PIK3C2A: variants seen among roughly 807,000 people sequenced by gnomAD.
PIK3C2A encodes the protein phosphatidylinositol-4-phosphate 3-kinase catalytic subunit type 2 alpha.
A neutral mutation model predicts 204.5 loss-of-function variants in PIK3C2A; 97 were observed. That is an observed-to-expected ratio of 0.47 (90% confidence interval 0.40 to 0.56). The LOEUF (loss-of-function observed/expected upper bound fraction) is 0.56, where lower values mean the gene tolerates loss of function less well. Ranked by LOEUF, PIK3C2A falls within the 20% of genes least tolerant of loss-of-function variation. The pLI, the probability that PIK3C2A is intolerant of heterozygous loss-of-function variation, is 0.00. For synonymous variants in PIK3C2A, 653 were observed against 664.4 expected (o/e 0.98, Z 0.26); for missense variants, 1,735 against 1,969.2 (o/e 0.88, Z 2.25).
intron 11 of PIK3C2A, among the ~76,000 whole-genome samples, chr11:17,133,205 T>C (rs1252468508): frequency 6.6e-6 from 1 of 152,210 alleles, no homozygotes; most frequent in Non-Finnish European, 1.5e-5. Context: ...TGTCTTCTAC[T>C]GGGTATTTGT....
At chr11:17,151,584 T>C (rs1378560566) in intron 3 of PIK3C2A, among the ~76,000 whole-genome samples, 1 of 152,232 alleles carries the variant, frequency 6.6e-6, no homozygotes, top group Non-Finnish European at 1.5e-5. Context: ...GATTGAATCC[T>C]GATTATACTA....
intron 1 of PIK3C2A, among the ~76,000 whole-genome samples, chr11:17,177,612 G>C (rs973494074): frequency 6.6e-6 from 1 of 152,052 alleles, no homozygotes; most frequent in African/African-American, 2.4e-5. Flanking sequence ...CTGTTAAAAG[G>C]AAAAACCCCA....
At chr11:17,106,333 A>C in intron 22 of PIK3C2A, among the ~76,000 whole-genome samples, 1 of 151,914 alleles carries the variant, frequency 6.6e-6, no homozygotes, top group East Asian at 1.9e-4. Flanking sequence ...AATTACTTGA[A>C]CCCAGGAGGC....
intron 1 of PIK3C2A, among the ~76,000 whole-genome samples, chr11:17,197,785 A>G (rs745730659): frequency 2.6e-5 from 4 of 152,170 alleles, no homozygotes; most frequent in African/African-American, 9.7e-5. Flanking sequence ...CATCACCCCA[A>G]TTCCAACATG....
chr11:17,190,133 C>T (rs550846367), intron 1 of PIK3C2A, among the ~76,000 whole-genome samples: 1 of 152,058 alleles, frequency 6.6e-6, no homozygotes, highest in Non-Finnish European at 1.5e-5. Context: ...CATAGTGACG[C>T]GTGCCTGTAA....
At chr11:17,172,490 A>C (rs1316497269) in intron 1 of PIK3C2A, among the ~76,000 whole-genome samples, 1 of 152,236 alleles carries the variant, frequency 6.6e-6, no homozygotes, top group African/African-American at 2.4e-5. Flanking sequence ...CCAGCAGAAG[A>C]AATCACCAAG....
chr11:17,193,684 A>G, intron 1 of PIK3C2A: 1 of 226,886 alleles, frequency 4.4e-6, no homozygotes, highest in South Asian at 5.2e-5. Context: ...CATCTCTACT[A>G]AAAATATAAA....
chr11:17,144,894 CAAAAAAA>C (rs35069519), intron 8 of PIK3C2A, among the ~76,000 whole-genome samples: 3 of 78,090 alleles, frequency 3.8e-5, no homozygotes, highest in Admixed American at 2.7e-4. Context: ...GACTCAGCCT[CAAAAAAA>C]AAAAAAAAAA....
chr11:17,165,852 G>A (rs532153028), intron 2 of PIK3C2A, among the ~76,000 whole-genome samples: 145 of 148,096 alleles, frequency 9.8e-4, no homozygotes, highest in Admixed American at 2.5e-3. Flanking sequence ...TCAGAACTTT[G>A]CTGCTTGCAA....
At chr11:17,135,528 T>G (rs1040971289) in intron 9 of PIK3C2A, among the ~76,000 whole-genome samples, 6 of 152,124 alleles carry the variant, frequency 3.9e-5, no homozygotes, top group African/African-American at 1.4e-4. Flanking sequence ...ACCACTTGGT[T>G]GGTGACTCAA....
intron 5 of PIK3C2A, chr11:17,148,247 GAA>G (rs1422866656): frequency 6.6e-6 from 1 of 152,212 alleles, no homozygotes; most frequent in Non-Finnish European, 1.5e-5. Context: ...ACCTGGGTAA[GAA>G]AAAGATTCAT....
chr11:17,129,829 T>C lies in PIK3C2A; in HGVS notation c.2232-362A>G, dbSNP rs1590941014. Among the ~76,000 whole-genome samples the C allele has an allele frequency of 2.6e-5, 4 of 152,274 alleles. No individual in the cohort carries two copies. The South Asian group carries it at 8.3e-4, about 32-fold the overall frequency. On this transcript the variant is annotated intron_variant, in intron 12 of 32. Transcript: ENST00000691414. ...CTGGTCTCAAACCCCTGACCTCAGG[T>C]GATCCACTCAGCCTCCCAAAGTGCT... is the stretch of plus-strand genomic sequence containing the variant.
intron 19 of PIK3C2A, 42 bp from the exon 20 acceptor site, chr11:17,114,507 G>A (rs768773837): frequency 3.4e-6 from 3 of 891,540 alleles, no homozygotes; most frequent in Admixed American, 3.8e-5. Flanking sequence ...TAATGAAAAT[G>A]AAGATCTATT....
intron 20 of PIK3C2A, 51 bp from the exon 21 acceptor site, chr11:17,112,717 G>A: frequency 2.1e-6 from 2 of 967,814 alleles, no homozygotes; most frequent in Non-Finnish European, 3.0e-6. Context: ...AATGGATTTA[G>A]AATTTTTTTT....
chr11:17,098,241 C>A (rs1276376532), intron 26 of PIK3C2A, among the ~76,000 whole-genome samples: 4 of 152,188 alleles, frequency 2.6e-5, no homozygotes, highest in African/African-American at 9.7e-5. Flanking sequence ...TATGCTGAAG[C>A]CCCAACACTG....
At chr11:17,134,772 A>C in intron 11 of PIK3C2A, 47 bp downstream of exon 11, 1 of 1,411,244 alleles carries the variant, frequency 7.1e-7, no homozygotes, top group South Asian at 1.2e-5. Flanking sequence ...AAGCCTTGGG[A>C]TTACAGGTGC....
In PIK3C2A at chr11:17,090,042, A is replaced by G. The variant is rs1452268215; in HGVS notation, c.4879-122T>C. ...GTGACCACAATGAGTGACACTGATTATGACACATCCGGTAGGTTTTGTCTG... is the reference window on the plus strand; with the variant it reads ...GTGACCACAATGAGTGACACTGATTGTGACACATCCGGTAGGTTTTGTCTG... On this transcript the variant is annotated intron_variant, in intron 32 of 32. Coordinates refer to ENST00000691414, the MANE Select transcript of PIK3C2A (RefSeq NM_002645.4). 2.7e-5 allele frequency: 19 copies of G among 693,844 alleles called. No individual in the cohort carries two copies. The Admixed American group carries it at 4.0e-4, about 15-fold the overall frequency. The allele number at this position is 693,844 out of a possible 1,614,324, so 43.0% of individuals were successfully genotyped here.
At chr11:17,167,129 C>T (rs547360522) in intron 2 of PIK3C2A, among the ~76,000 whole-genome samples, 126 of 152,220 alleles carry the variant, frequency 8.3e-4, no homozygotes, top group African/African-American at 2.9e-3. Context: ...TGCCATCACG[C>T]CCAGCTAATT....
chr11:17,155,567 T>C lies in PIK3C2A; in HGVS notation c.1128A>G (p.Val376=), dbSNP rs1424488113. Residue 376 remains valine (V), a synonymous_variant, in exon 3 of 33, where the codon GTA becomes GTG. Transcript: ENST00000691414. The part of the protein sequence containing the change: ...TGSSLLQEVE[V]QNEEMAAFCR... ...AAAAAGCTGCCATCTCCTCATTCTG[T>C]ACTTCAACTTCTTGAAGAAGAGAAC... 6.2e-7 allele frequency: 1 copy of C among 1,607,504 alleles called. No individual in the cohort carries two copies. Among genetic ancestry groups the C allele is most frequent in the South Asian group, 1.1e-5 (1 of 90,464 alleles).
Sources: allele counts gnomAD v4.1 joint callset (sites outside exome capture counted in the v4.1 genomes callset), GRCh38; gene constraint gnomAD v4.1.1; transcripts MANE v1.5; gene names NCBI Gene and HGNC (gene_info 2026-07-23, HGNC 2026-07-21).